NCKAP5: variants seen among roughly 807,000 people sequenced by gnomAD.
NCKAP5 encodes the protein NCK associated protein 5.
A neutral mutation model predicts 167.0 loss-of-function variants in NCKAP5; 92 were observed. The observed-to-expected ratio is 0.55, with a 90% confidence interval of 0.47 to 0.66. The LOEUF is 0.66. Among genes scored for constraint, NCKAP5 ranks in the 30% least tolerant of loss-of-function variants. The probability of loss-of-function intolerance (pLI) is 0.00; values close to 1 mark genes in which losing one functional copy is unlikely to be tolerated. For synonymous variants in NCKAP5, 891 were observed against 877.4 expected (o/e 1.02, Z -0.27); for missense variants, 2,378 against 2,315.0 (o/e 1.03, Z -0.56).
intron 8 of NCKAP5, among the ~76,000 whole-genome samples, chr2:132,900,941 G>A (rs1454151218): frequency 2.7e-5 from 4 of 145,948 alleles, no homozygotes; most frequent in Non-Finnish European, 6.0e-5. Context: ...ACTCCAGACC[G>A]GGTGACAGAG....
intron 4 of NCKAP5, among the ~76,000 whole-genome samples, chr2:133,235,421 T>C (rs1559300471): frequency 6.6e-6 from 1 of 152,070 alleles, no homozygotes; most frequent in African/African-American, 2.4e-5. Context: ...ATTACAGTAC[T>C]GAAGTACTAA....
rs1047885995 is a variant in NCKAP5 at position 133,058,539 on chromosome 2, C to T, written c.342-64300G>A. On this transcript the variant is annotated intron_variant, in intron 6 of 19. Coordinates refer to ENST00000409261, the MANE Select transcript of NCKAP5 (RefSeq NM_207363.3). ...TCAGTGGTATAAGTAACTACAGATG[C>T]GGTGGAAATAGCAAGAAACCTAGAA... Among the ~76,000 whole-genome samples, 9 of 152,048 alleles carry T rather than the reference C, an allele frequency of 5.9e-5. No homozygotes were observed. The East Asian group carries it at 7.7e-4, about 13-fold the overall frequency.
chr2:133,327,533 G>C (rs188291332), intron 3 of NCKAP5, among the ~76,000 whole-genome samples: 91 of 152,216 alleles, frequency 6.0e-4, no homozygotes, highest in African/African-American at 2.0e-3. Flanking sequence ...AAACTGGTTG[G>C]TCTGAGTACA....
chr2:133,029,505 A>C (rs1008145141), intron 6 of NCKAP5, among the ~76,000 whole-genome samples: 1 of 152,212 alleles, frequency 6.6e-6, no homozygotes, highest in Non-Finnish European at 1.5e-5. Flanking sequence ...GGGTTGCTAG[A>C]TAACACCATT....
Position 133,499,977 on chromosome 2 carries a change from C to G in NCKAP5, c.69+17481G>C, listed in dbSNP as rs1378408165. ...GATTATTCACAAGGATTTAGAAGAG[C>G]AAGCACTGTAAACACTTCCAAGTCT... On this transcript the variant is annotated intron_variant, in intron 3 of 19. Transcript: ENST00000409261. Among the ~76,000 whole-genome samples, 6 of 152,064 alleles carry G rather than the reference C, an allele frequency of 3.9e-5. No homozygotes were observed. The East Asian group carries it at 1.2e-3, about 29-fold the overall frequency.
chr2:133,430,152 T>G (rs1690064826), intron 3 of NCKAP5, among the ~76,000 whole-genome samples: 1 of 151,976 alleles, frequency 6.6e-6, no homozygotes, highest in Admixed American at 6.6e-5. Flanking sequence ...TCCTTTGCTC[T>G]TCTTGATTTT....
intron 11 of NCKAP5, among the ~76,000 whole-genome samples, chr2:132,800,878 T>A (rs1684975627): frequency 6.6e-6 from 1 of 152,188 alleles, no homozygotes; most frequent in Non-Finnish European, 1.5e-5. Flanking sequence ...GGTCAATCCC[T>A]TAATTTCTAC....
chr2:133,102,988 A>T (rs2081567725), intron 6 of NCKAP5, among the ~76,000 whole-genome samples: 1 of 152,174 alleles, frequency 6.6e-6, no homozygotes, highest in African/African-American at 2.4e-5. Context: ...ATCCAAGGAT[A>T]TTCCTTTCAG....
chr2:132,734,336 T>C (rs1691309101), intron 16 of NCKAP5, among the ~76,000 whole-genome samples: 1 of 152,348 alleles, frequency 6.6e-6, no homozygotes, highest in South Asian at 2.1e-4. Flanking sequence ...GATTTACATG[T>C]CCATGTGTTG....
rs989700416 is a variant in NCKAP5, at chr2:133,373,622, G to T, written c.70-70512C>A. On this transcript the variant is annotated intron_variant, in intron 3 of 19. Coordinates refer to ENST00000409261, the MANE Select transcript of NCKAP5 (RefSeq NM_207363.3). ...AATAGTGAAAAATATCGAAGGAGAT[G>T]AATAAAAGTTGAAGAACTGAGACCG... Among the ~76,000 whole-genome samples the T allele has an allele frequency of 1.1e-4, 16 of 152,142 alleles. 1 individual carries two copies. The South Asian group carries it at 3.3e-3, about 32-fold the overall frequency.
intron 4 of NCKAP5, among the ~76,000 whole-genome samples, chr2:133,291,564 A>T (rs919405747): frequency 3.3e-5 from 5 of 152,202 alleles, no homozygotes; most frequent in African/African-American, 1.2e-4. Context: ...TTTCTCTCTC[A>T]GGCTTTTACA....
At chr2:132,832,232 A>C (rs1198611736) in intron 11 of NCKAP5, among the ~76,000 whole-genome samples, 2 of 152,146 alleles carry the variant, frequency 1.3e-5, no homozygotes, top group Non-Finnish European at 2.9e-5. Flanking sequence ...CCATGCATGG[A>C]CATTGTATCA....
intron 2 of NCKAP5, among the ~76,000 whole-genome samples, chr2:133,521,940 C>G (rs967956449): frequency 4.6e-5 from 7 of 152,126 alleles, no homozygotes; most frequent in Non-Finnish European, 7.4e-5. Context: ...GTGGCTACCT[C>G]CAGACTCCAC....
At chr2:133,383,016 A>T (rs1686636877) in intron 3 of NCKAP5, among the ~76,000 whole-genome samples, 1 of 152,172 alleles carries the variant, frequency 6.6e-6, no homozygotes, top group African/African-American at 2.4e-5. Context: ...TATTATTCAC[A>T]GCTTCCAGGC....
At position 133,192,112 on chromosome 2, in the gene NCKAP5, G is replaced by A. The variant is rs75413036; in HGVS notation, c.207+21604C>T. Among the ~76,000 whole-genome samples, 915 of 152,028 alleles carry A rather than the reference G, an allele frequency of 6.0e-3. 4 individuals are homozygous for A. The highest frequency in any genetic ancestry group is 0.021 in the African/African-American group (857 of 41,478). On this transcript the variant is annotated intron_variant, in intron 5 of 19. Coordinates refer to ENST00000409261, the MANE Select transcript of NCKAP5 (RefSeq NM_207363.3). ...TGGAGGGACGGACATAGATAAATGGGACCCAATAAAGAAACCAGAAATACA... is the reference window on the plus strand; with the variant it reads ...TGGAGGGACGGACATAGATAAATGGAACCCAATAAAGAAACCAGAAATACA...
intron 5 of NCKAP5, among the ~76,000 whole-genome samples, chr2:133,132,515 A>G (rs2082642581): frequency 6.6e-6 from 1 of 150,686 alleles, no homozygotes; most frequent in Admixed American, 6.7e-5. Context: ...ACACACACAC[A>G]CAAACCCTGA....
chr2:133,396,498 G>A (rs1244223285), intron 3 of NCKAP5, among the ~76,000 whole-genome samples: 1 of 152,086 alleles, frequency 6.6e-6, no homozygotes, highest in Admixed American at 6.5e-5. Context: ...GGCTTTTGAA[G>A]ATACTAGTTA....
At chr2:133,600,651 A>G in the NCKAP5 span, among the ~76,000 whole-genome samples, 2 of 152,226 alleles carry the variant, frequency 1.3e-5, no homozygotes, top group East Asian at 3.9e-4. Context: ...CACTTTCTCA[A>G]TTTGAGAAAA....
chr2:133,246,092 A>T (rs1358624009), intron 4 of NCKAP5, among the ~76,000 whole-genome samples: 1 of 152,086 alleles, frequency 6.6e-6, no homozygotes, highest in Non-Finnish European at 1.5e-5. Flanking sequence ...AAACATGCAT[A>T]GCATCTGAAT....
Sources: gnomAD v4.1 joint callset for allele counts (sites outside exome capture counted in the v4.1 genomes callset) on GRCh38, gnomAD v4.1.1 for gene constraint, MANE v1.5 for transcripts, NCBI Gene and HGNC (gene_info 2026-07-23, HGNC 2026-07-21) for gene names.